CFAP58: variants seen among roughly 807,000 people sequenced by gnomAD.
The protein encoded by CFAP58 is cilia- and flagella-associated protein 58.
CFAP58 carries 88 observed loss-of-function variants against 119.5 expected under a neutral mutation model. That is an observed-to-expected ratio of 0.74 (90% CI 0.62 to 0.88). The LOEUF (loss-of-function observed/expected upper bound fraction) is 0.88, where lower values mean the gene tolerates loss of function less well. Among genes scored for constraint, CFAP58 ranks in the 40% least tolerant of loss-of-function variants. The pLI is 0.00. For missense variants in CFAP58, 990 were observed against 1,021.2 expected (o/e 0.97, Z 0.42); for synonymous variants, 365 against 366.3 (o/e 1.00, Z 0.04).
chr10:104,422,041 G>A (rs186652868), intron 15 of CFAP58, among the ~76,000 whole-genome samples: 2 of 152,060 alleles, frequency 1.3e-5, no homozygotes, highest in African/African-American at 4.8e-5. Flanking sequence ...CAAAAAATGA[G>A]CCAGGTGCGG....
intron 9 of CFAP58, among the ~76,000 whole-genome samples, chr10:104,388,146 A>G (rs2011962213): frequency 6.6e-6 from 1 of 152,200 alleles, no homozygotes; most frequent in African/African-American, 2.4e-5. Context: ...AACACAAATT[A>G]TAAGCTTTTT....
In CFAP58 at chr10:104,454,758, G is replaced by A; in HGVS notation, c.*228G>A. On this transcript the variant is annotated 3_prime_UTR_variant, in exon 18 of 18. Transcript: ENST00000369704. ...CTCTGTTCAGTTAGGCTGACCTATT[G>A]CATGAAGCAAATCTTTTGTTGCTAC... 1 of 477,304 alleles carries A rather than the reference G, an allele frequency of 2.1e-6. No homozygotes were observed. The highest frequency in any genetic ancestry group is 3.7e-6 in the Non-Finnish European group (1 of 270,678). The allele number at this position is 477,304 out of a possible 1,614,324, so 29.6% of individuals were successfully genotyped here.
At chr10:104,387,361 G>A (rs989544002) in intron 9 of CFAP58, among the ~76,000 whole-genome samples, 3 of 152,258 alleles carry the variant, frequency 2.0e-5, no homozygotes, top group Middle Eastern at 3.4e-3. Flanking sequence ...TCTCATGGGG[G>A]AAGGAAGGAG....
At chr10:104,375,482 G>T (rs1015306326) in intron 7 of CFAP58, among the ~76,000 whole-genome samples, 2 of 152,170 alleles carry the variant, frequency 1.3e-5, no homozygotes, top group Non-Finnish European at 2.9e-5. Flanking sequence ...AGTTTGGCAG[G>T]TTGAGACAGG....
intron 8 of CFAP58, among the ~76,000 whole-genome samples, chr10:104,379,133 C>G (rs531454621): frequency 6.6e-6 from 1 of 152,016 alleles, no homozygotes; most frequent in Non-Finnish European, 1.5e-5. Flanking sequence ...CTCGTCCCCC[C>G]AGAAGAAACC....
intron 16 of CFAP58, among the ~76,000 whole-genome samples, chr10:104,448,489 G>A (rs898313266): frequency 6.6e-6 from 1 of 152,194 alleles, no homozygotes; most frequent in African/African-American, 2.4e-5. Flanking sequence ...TTCTAAGCAA[G>A]TACTTAGCTA....
At chr10:104,404,833 G>A (rs536403285) in intron 14 of CFAP58, among the ~76,000 whole-genome samples, 6 of 152,202 alleles carry the variant, frequency 3.9e-5, no homozygotes, top group Admixed American at 3.3e-4. Context: ...TCCTGACCTC[G>A]TGATCCGCCC....
At chr10:104,401,130 G>A (rs2012257539) in intron 13 of CFAP58, among the ~76,000 whole-genome samples, 1 of 152,146 alleles carries the variant, frequency 6.6e-6, no homozygotes, top group Admixed American at 6.5e-5. Flanking sequence ...GGGGGGGTAA[G>A]GGCGAGTGCA....
At chr10:104,400,951 A>G (rs758638201) in intron 13 of CFAP58, 48 bp downstream of exon 13, 9 of 1,391,504 alleles carry the variant, frequency 6.5e-6, no homozygotes, top group East Asian at 2.3e-5. Flanking sequence ...CAACGTGGGG[A>G]GCTCCTAAAA....
chr10:104,398,669 CT>C (rs1380806244), intron 11 of CFAP58, among the ~76,000 whole-genome samples: 1 of 152,150 alleles, frequency 6.6e-6, no homozygotes, highest in Non-Finnish European at 1.5e-5. Flanking sequence ...ATGATTTTTT[CT>C]TTGACCTCCC....
At chr10:104,453,211 G>C (rs2013222327) in intron 17 of CFAP58, among the ~76,000 whole-genome samples, 1 of 152,132 alleles carries the variant, frequency 6.6e-6, no homozygotes, top group African/African-American at 2.4e-5. Flanking sequence ...AGCCAGACGA[G>C]TTGCCAAAGT....
At chr10:104,392,639 CTTTTT>C (rs35863751) in intron 10 of CFAP58, among the ~76,000 whole-genome samples, 1 of 123,964 alleles carries the variant, frequency 8.1e-6, no homozygotes, top group Non-Finnish European at 1.7e-5. Flanking sequence ...CGTCTTTCTA[CTTTTT>C]TTTTTTTTTT....
chr10:104,454,477 C>T lies in CFAP58; in HGVS notation c.2566C>T (p.Pro856Ser), dbSNP rs1265503124. 3.1e-6 allele frequency: 5 copies of T among 1,613,922 alleles called. No homozygotes were observed. Among genetic ancestry groups the T allele is most frequent in the Non-Finnish European group, 4.2e-6 (5 of 1,179,852 alleles). ...CTTCTTAATGGTCAAACCAAATGGT[C>T]CTGGTTTTACTGGGGGCGGATTTCC... ...NTFLMVKPNG[P>S]GFTGGGFPLR... The change falls in exon 18 of 18, where the codon CCT (proline) becomes TCT (serine). Residue 856 changes from proline (P) to serine (S), a missense_variant. Physicochemically the swap from Pro to Ser is moderately conservative, Grantham distance 74. Transcript: ENST00000369704.
intron 9 of CFAP58, among the ~76,000 whole-genome samples, chr10:104,383,525 T>G (rs1386563236): frequency 1.3e-5 from 2 of 152,200 alleles, no homozygotes; most frequent in Non-Finnish European, 2.9e-5. Flanking sequence ...CAAGTTTTTT[T>G]GTTAACTGTT....
chr10:104,451,045 C>T (rs2013187862), intron 17 of CFAP58, among the ~76,000 whole-genome samples: 1 of 152,096 alleles, frequency 6.6e-6, no homozygotes, highest in South Asian at 2.1e-4. Flanking sequence ...TTTGCCTGAT[C>T]CCAGGGTGAA....
intron 15 of CFAP58, among the ~76,000 whole-genome samples, chr10:104,425,142 T>C (rs914296500): frequency 2.0e-5 from 3 of 152,140 alleles, no homozygotes; most frequent in Non-Finnish European, 2.9e-5. Flanking sequence ...ACACACAGGG[T>C]AAGAAGAAGA....
At position 104,357,877 on chromosome 10, in the gene CFAP58, G is replaced by A. The variant is rs371232621; in HGVS notation, c.10-464G>A. ...TATATACACATATATACACATATAT[G>A]TACACATATATAAACATATATGTAC... On this transcript the variant is annotated intron_variant, in intron 1 of 17. Coordinates refer to ENST00000369704, the MANE Select transcript of CFAP58 (RefSeq NM_001008723.2). Among the ~76,000 whole-genome samples, 25 of 90,984 alleles carry A rather than the reference G, an allele frequency of 2.7e-4. No individual in the cohort carries two copies. In the South Asian group the frequency reaches 4.2e-3, roughly 15 times the overall value. 59.7% of individuals were successfully genotyped at this position (90,984 alleles called of 152,430 possible). A position where few individuals can be genotyped will look rare whatever the true frequency, so the allele number is the denominator to read the frequency against.
At chr10:104,369,708 G>C (rs371664745) in intron 6 of CFAP58, among the ~76,000 whole-genome samples, 3 of 152,132 alleles carry the variant, frequency 2.0e-5, no homozygotes, top group East Asian at 3.9e-4. Context: ...GACTATTTCT[G>C]TTATCAGATC....
intron 15 of CFAP58, among the ~76,000 whole-genome samples, chr10:104,411,862 G>A (rs1452524180): frequency 6.6e-6 from 1 of 151,808 alleles, no homozygotes; most frequent in Non-Finnish European, 1.5e-5. Context: ...TTTTGCCAAG[G>A]GTGAAACTTT....
Sources: gnomAD v4.1 joint callset for allele counts (sites outside exome capture counted in the v4.1 genomes callset) on GRCh38, gnomAD v4.1.1 for gene constraint, MANE v1.5 for transcripts, NCBI Gene and HGNC (gene_info 2026-07-23, HGNC 2026-07-21) for gene names.